The following ELP2 variants were observed in gnomAD, a reference collection of about 807,000 sequenced individuals.
ELP2 encodes elongator acetyltransferase complex subunit 2.
Under a neutral mutation model 119.2 loss-of-function variants are expected in ELP2, and 90 were observed. The ratio of observed to expected loss-of-function variants is 0.75; its 90% confidence interval spans 0.64 to 0.90. ELP2 has a LOEUF of 0.90. Ranked by LOEUF, ELP2 falls within the 40% of genes least tolerant of loss-of-function variation. The probability of loss-of-function intolerance (pLI) is 0.00; values close to 1 mark genes in which losing one functional copy is unlikely to be tolerated. For missense variants in ELP2, 921 were observed against 967.8 expected (o/e 0.95, Z 0.64); for synonymous variants, 339 against 331.0 (o/e 1.02, Z -0.26).
Position 36,138,285 on chromosome 18 carries a change from C to A in ELP2, c.304C>A (p.His102Asn). ...TCTGATTCAGCTTTTAAAAGCAGTG[C>A]ATCTTCAAGGCCATGAAGGACCTGT... ...IEDNQLLKAV[H>N]LQGHEGPVYA... Residue 102 changes from histidine to asparagine, a missense_variant, in exon 4 of 22, where the codon CAT becomes AAT. Coordinates refer to ENST00000358232, the MANE Select transcript of ELP2 (RefSeq NM_018255.4). The A allele has an allele frequency of 6.2e-7, 1 of 1,614,040 alleles. No individual in the cohort carries two copies. Among genetic ancestry groups the A allele is most frequent in the South Asian group, 1.1e-5 (1 of 91,080 alleles).
chr18:36,132,607 T>C (rs2089675434), intron 1 of ELP2, among the ~76,000 whole-genome samples: 1 of 151,980 alleles, frequency 6.6e-6, no homozygotes, highest in Non-Finnish European at 1.5e-5. Flanking sequence ...GACCTCCAAG[T>C]GTGGGGTGAA....
At chr18:36,158,549 C>T (rs2090637333) in intron 13 of ELP2, 2 of 313,960 alleles carry the variant, frequency 6.4e-6, no homozygotes, top group South Asian at 3.6e-5. Context: ...TGTTATGGTT[C>T]GATGAGGTCC....
At position 36,179,506 on chromosome 18, in the gene ELP2, G is replaced by A. The variant is rs574870369; in HGVS notation, c.*4865G>A. The A allele has an allele frequency of 5.6e-4, 84 of 150,962 alleles. No homozygotes were observed. Among genetic ancestry groups the A allele is most frequent in the African/African-American group, 1.9e-3 (79 of 40,772 alleles). 9.4% of individuals were successfully genotyped at this position (150,962 alleles called of 1,614,324 possible). A position where few individuals can be genotyped will look rare whatever the true frequency, so the allele number is the denominator to read the frequency against. On this transcript the variant is annotated 3_prime_UTR_variant, in exon 22 of 22. Transcript: ENST00000358232. The stretch of plus-strand genomic sequence containing the variant: ...AAAAAAAAAAAAAAAAAAAAATCTG[G>A]GACCCAGTACTGAGTGAAGACACCA...
chr18:36,130,642 T>C (rs1424301328), intron 1 of ELP2, among the ~76,000 whole-genome samples: 2 of 152,156 alleles, frequency 1.3e-5, no homozygotes, highest in Non-Finnish European at 2.9e-5. Flanking sequence ...CTTCACCCAG[T>C]CAGTTGGTTA....
At chr18:36,158,100 G>GA (rs1355571444) in intron 13 of ELP2, among the ~76,000 whole-genome samples, 1 of 152,116 alleles carries the variant, frequency 6.6e-6, no homozygotes, top group Non-Finnish European at 1.5e-5. Context: ...TTGTTTCTGA[G>GA]ATAAAGCATA....
At position 36,138,341 on chromosome 18, in the gene ELP2, G is replaced by T. The variant is rs769557991; in HGVS notation, c.360G>T (p.Arg120Ser). The T allele has an allele frequency of 6.8e-6, 11 of 1,614,116 alleles. No homozygotes were observed. Among genetic ancestry groups the T allele is most frequent in the Non-Finnish European group, 7.6e-6 (9 of 1,179,992 alleles). The part of the protein sequence containing the change: ...VYAVHAVYQR[R>S]TSDPALCTLI... ...CGGTGCATGCTGTTTACCAGAGGAG[G>T]ACATCAGATCCTGCATTATGTACAC... The change falls in exon 4 of 22, where the codon AGG becomes AGT. Residue 120 changes from arginine to serine, a missense_variant. Coordinates refer to ENST00000358232, the MANE Select transcript of ELP2 (RefSeq NM_018255.4).
intron 17 of ELP2, among the ~76,000 whole-genome samples, chr18:36,163,089 A>G (rs1013604889): frequency 1.3e-5 from 2 of 152,012 alleles, no homozygotes; most frequent in Non-Finnish European, 2.9e-5. Context: ...AGTGTCTACT[A>G]TTATTTCATG....
Position 36,138,380 on chromosome 18 carries a change from A to G in ELP2, c.399A>G (p.Ala133=). 4.3e-6 allele frequency: 7 copies of G among 1,614,154 alleles called. No individual in the cohort carries two copies. The highest frequency in any genetic ancestry group is 3.4e-6 in the Non-Finnish European group (4 of 1,180,012). The change falls in exon 4 of 22, where the codon GCA becomes GCG. Residue 133 remains alanine (A), a synonymous_variant. Coordinates refer to ENST00000358232, the MANE Select transcript of ELP2 (RefSeq NM_018255.4). Reference sequence around the variant, plus strand: ...CATTATGTACACTGATCGTTTCTGCAGCTGCAGATTCTGCTGTTCGACTCT... The same window carrying G: ...CATTATGTACACTGATCGTTTCTGCGGCTGCAGATTCTGCTGTTCGACTCT... The part of the protein sequence containing the change: ...DPALCTLIVS[A]AADSAVRLWS...
chr18:36,171,006 A>G, intron 20 of ELP2, 41 bp from the exon 21 acceptor site: 1 of 1,359,482 alleles, frequency 7.4e-7, no homozygotes. Context: ...TAACAATTTC[A>G]TGCTAAGTTA....
chr18:36,171,860 A>G (rs1324293119), intron 21 of ELP2, among the ~76,000 whole-genome samples: 1 of 152,042 alleles, frequency 6.6e-6, no homozygotes, highest in Non-Finnish European at 1.5e-5. Context: ...GGGACTACAG[A>G]CACGCACCAC....
In ELP2 at chr18:36,175,621, A is replaced by G. The variant is rs1426337950; in HGVS notation, c.*980A>G. On this transcript the variant is annotated 3_prime_UTR_variant, in exon 22 of 22. Coordinates refer to ENST00000358232, the MANE Select transcript of ELP2 (RefSeq NM_018255.4). The stretch of plus-strand genomic sequence containing the variant: ...ACGAGATGAGGGATATATGTCCCCC[A>G]GGGAGGATGCAGAAAGAAGAAAAGG... The G allele has an allele frequency of 2.0e-5, 3 of 152,258 alleles. No individual in the cohort carries two copies. The highest frequency in any genetic ancestry group is 2.9e-5 in the Non-Finnish European group (2 of 68,062). The allele number at this position is 152,258 out of a possible 1,614,324, so 9.4% of individuals were successfully genotyped here. A position where few individuals can be genotyped will look rare whatever the true frequency, so the allele number is the denominator to read the frequency against.
intron 14 of ELP2, 139 bp downstream of exon 14, chr18:36,159,043 C>A: frequency 3.0e-6 from 2 of 670,228 alleles, no homozygotes; most frequent in East Asian, 2.8e-5. Flanking sequence ...TCACCTATTT[C>A]GTGATAAGTA....
chr18:36,156,377 A>G (rs1247464456), intron 12 of ELP2, 89 bp from the exon 13 acceptor site: 2 of 1,251,948 alleles, frequency 1.6e-6, no homozygotes, highest in Non-Finnish European at 2.3e-6. Flanking sequence ...TTATATTTCC[A>G]TTGTATAGTA....
At chr18:36,150,454 G>A (rs2090360077) in intron 11 of ELP2, among the ~76,000 whole-genome samples, 1 of 152,194 alleles carries the variant, frequency 6.6e-6, no homozygotes, top group Non-Finnish European at 1.5e-5. Context: ...GACATCACTG[G>A]AGACAGTATG....
chr18:36,164,390 A>C, intron 17 of ELP2, 85 bp from the exon 18 acceptor site: 1 of 1,298,902 alleles, frequency 7.7e-7, no homozygotes, highest in Non-Finnish European at 1.1e-6. Context: ...AAATATACTC[A>C]TAGAAACAAT....
intron 19 of ELP2, among the ~76,000 whole-genome samples, chr18:36,168,254 T>TC (rs1409787757): frequency 1.3e-5 from 2 of 152,220 alleles, no homozygotes; most frequent in Non-Finnish European, 2.9e-5. Context: ...TCTCAGACCC[T>TC]CCCTTCTGTT....
intron 13 of ELP2, among the ~76,000 whole-genome samples, chr18:36,158,338 A>G (rs1009033637): frequency 6.6e-6 from 1 of 152,220 alleles, no homozygotes; most frequent in African/African-American, 2.4e-5. Flanking sequence ...CACTCATACG[A>G]AGTTTTAAAA....
Position 36,178,555 on chromosome 18 carries a change from T to G in ELP2, c.*3914T>G, listed in dbSNP as rs2091272026. The G allele has an allele frequency of 6.6e-6, 1 of 152,186 alleles. No individual in the cohort carries two copies. 9.4% of individuals were successfully genotyped at this position (152,186 alleles called of 1,614,324 possible). Reference sequence around the variant, plus strand: ...TAAGGGACAAAGCAAATTTGAACTCTGGCTGGATATTTGATGATATTAAGG... The same window carrying G: ...TAAGGGACAAAGCAAATTTGAACTCGGGCTGGATATTTGATGATATTAAGG... On this transcript the variant is annotated 3_prime_UTR_variant, in exon 22 of 22. Transcript: ENST00000358232.
At position 36,169,325 on chromosome 18, in the gene ELP2, A is replaced by T. The variant is rs117437027; in HGVS notation, c.2077-738A>T. 4.7e-4 allele frequency among the ~76,000 whole-genome samples: 72 copies of T among 151,912 alleles called. No individual in the cohort carries two copies. The East Asian group carries it at 0.013, about 27-fold the overall frequency. On this transcript the variant is annotated intron_variant, in intron 19 of 21. Transcript: ENST00000358232. ...GTATCATCTAGGTCAGGTTTTCCTC[A>T]TAGCTGAGTAGATTCCCTGAGCAAT...
Sources: allele counts gnomAD v4.1 joint callset (sites outside exome capture counted in the v4.1 genomes callset), GRCh38; gene constraint gnomAD v4.1.1; transcripts MANE v1.5; gene names NCBI Gene and HGNC (gene_info 2026-07-23, HGNC 2026-07-21).